The following DEUP1 variants were observed in gnomAD, a reference collection of about 807,000 sequenced individuals.
DEUP1 encodes deuterosome assembly protein 1.
A neutral mutation model predicts 87.4 loss-of-function variants in DEUP1; 82 were observed. That is an observed-to-expected ratio of 0.94 (90% CI 0.78 to 1.13). The LOEUF is 1.13. Among genes scored for constraint, DEUP1 ranks in the 50% most tolerant of loss-of-function variants. DEUP1 has a pLI of 0.00. For synonymous variants in DEUP1, 214 were observed against 222.7 expected (o/e 0.96, Z 0.35); for missense variants, 663 against 681.5 (o/e 0.97, Z 0.30).
At chr11:93,402,248 G>GA (rs557065135) in intron 11 of DEUP1, among the ~76,000 whole-genome samples, 2 of 151,694 alleles carry the variant, frequency 1.3e-5, no homozygotes, top group African/African-American at 2.4e-5. Flanking sequence ...ACAGGTATAT[G>GA]AAAAAAAATT....
chr11:93,420,004 C>A (rs1426018740), intron 13 of DEUP1, among the ~76,000 whole-genome samples: 2 of 151,974 alleles, frequency 1.3e-5, no homozygotes, highest in African/African-American at 4.8e-5. Context: ...AGCTGGTACC[C>A]TTCCTTCTGA....
chr11:93,427,736 G>T (rs1334480123), intron 13 of DEUP1, among the ~76,000 whole-genome samples: 1 of 149,140 alleles, frequency 6.7e-6, no homozygotes, highest in Non-Finnish European at 1.5e-5. Flanking sequence ...TCTGACAAAG[G>T]GCTAATATCC....
chr11:93,349,543 T>C (rs537932265), intron 2 of DEUP1, among the ~76,000 whole-genome samples: 68 of 151,664 alleles, frequency 4.5e-4, no homozygotes, highest in African/African-American at 1.4e-3. Flanking sequence ...CCTGTGGTAT[T>C]ATCTTAAAGT....
chr11:93,378,825 G>T (rs1412569842), intron 7 of DEUP1, among the ~76,000 whole-genome samples: 2 of 152,064 alleles, frequency 1.3e-5, no homozygotes, highest in Non-Finnish European at 2.9e-5. Context: ...GGCCCTCCTG[G>T]CATGTTCCTA....
At chr11:93,437,387 T>C in intron 13 of DEUP1, 156 bp from the exon 14 acceptor site, 1 of 574,650 alleles carries the variant, frequency 1.7e-6, no homozygotes, top group South Asian at 2.6e-5. Context: ...TAGTGGTAAC[T>C]GAATTACACT....
At chr11:93,353,982 G>A (rs563727246) in intron 2 of DEUP1, among the ~76,000 whole-genome samples, 1 of 152,310 alleles carries the variant, frequency 6.6e-6, no homozygotes, top group Non-Finnish European at 1.5e-5. Flanking sequence ...GCAAATTTCT[G>A]CAGCTGGTTT....
intron 8 of DEUP1, among the ~76,000 whole-genome samples, chr11:93,388,535 G>A (rs1174835391): frequency 6.6e-6 from 1 of 152,184 alleles, no homozygotes; most frequent in Admixed American, 6.5e-5. Flanking sequence ...AGCAGCCAAA[G>A]AATAGATGTA....
chr11:93,383,802 C>T (rs557238466), intron 7 of DEUP1, among the ~76,000 whole-genome samples: 1 of 152,142 alleles, frequency 6.6e-6, no homozygotes, highest in African/African-American at 2.4e-5. Context: ...TTTACCAATA[C>T]ACTAGAGGTC....
chr11:93,383,418 T>C lies in DEUP1; in HGVS notation c.790-1980T>C, dbSNP rs1006077879. ...TGTATGAAACATCTAGAATAGGCAA[T>C]TCCATAGAGATAGAACATAGATTAG... On this transcript the variant is annotated intron_variant, in intron 7 of 13. Transcript: ENST00000298050. 3 of 449,602 alleles carry C rather than the reference T, an allele frequency of 6.7e-6. No individual in the cohort carries two copies. The East Asian group carries it at 1.0e-4, about 15-fold the overall frequency. The allele number at this position is 449,602 out of a possible 1,614,324, so 27.9% of individuals were successfully genotyped here. A position where few individuals can be genotyped will look rare whatever the true frequency, so the allele number is the denominator to read the frequency against.
intron 13 of DEUP1, among the ~76,000 whole-genome samples, chr11:93,428,882 C>T (rs542066606): frequency 6.6e-6 from 1 of 152,242 alleles, no homozygotes; most frequent in African/African-American, 2.4e-5. Flanking sequence ...TACTGTCTAA[C>T]ACATGGTAAT....
intron 13 of DEUP1, among the ~76,000 whole-genome samples, chr11:93,420,697 T>C (rs1214001273): frequency 6.9e-6 from 1 of 144,138 alleles, no homozygotes; most frequent in African/African-American, 2.6e-5. Flanking sequence ...CTTAAGTTGA[T>C]AAGCAACTTC....
chr11:93,392,395 C>T (rs970491290), intron 9 of DEUP1, among the ~76,000 whole-genome samples: 6 of 152,148 alleles, frequency 3.9e-5, no homozygotes, highest in Non-Finnish European at 5.9e-5. Context: ...ATTTTCTAAT[C>T]TGCTAAATAC....
At chr11:93,347,796 G>C (rs1376223676) in intron 2 of DEUP1, among the ~76,000 whole-genome samples, 1 of 152,096 alleles carries the variant, frequency 6.6e-6, no homozygotes, top group Non-Finnish European at 1.5e-5. Flanking sequence ...CTGGAGTGAA[G>C]TGGCGTGATC....
At chr11:93,416,958 A>G (rs74868464) in intron 13 of DEUP1, among the ~76,000 whole-genome samples, 4 of 152,204 alleles carry the variant, frequency 2.6e-5, no homozygotes, top group Non-Finnish European at 5.9e-5. Flanking sequence ...ATTCAGAAAA[A>G]GCATTTGACA....
In DEUP1 at chr11:93,387,825, C is replaced by T. The variant is rs866048169; in HGVS notation, c.936-1195C>T. Among the ~76,000 whole-genome samples, 10 of 151,932 alleles carry T rather than the reference C, an allele frequency of 6.6e-5. No individual in the cohort carries two copies. The South Asian group carries it at 8.3e-4, about 13-fold the overall frequency. On this transcript the variant is annotated intron_variant, in intron 8 of 13. Coordinates refer to ENST00000298050, the MANE Select transcript of DEUP1 (RefSeq NM_181645.4). ...AATATTGGATAAAATGGAAAATGCT[C>T]ACAATATATTACTAAGTAGGAAACA... is the stretch of plus-strand genomic sequence containing the variant.
intron 13 of DEUP1, among the ~76,000 whole-genome samples, chr11:93,419,530 C>G (rs1947791873): frequency 6.6e-6 from 1 of 152,064 alleles, no homozygotes; most frequent in African/African-American, 2.4e-5. Context: ...TGAAATGGGT[C>G]AAACCACCTA....
intron 2 of DEUP1, among the ~76,000 whole-genome samples, chr11:93,346,466 A>G (rs1246987437): frequency 6.6e-6 from 1 of 152,202 alleles, no homozygotes; most frequent in African/African-American, 2.4e-5. Context: ...AACTCAAGTG[A>G]TCTGCCCACC....
Position 93,417,534 on chromosome 11 carries a change from T to G in DEUP1, c.1638+2420T>G, listed in dbSNP as rs545970908. Among the ~76,000 whole-genome samples the G allele has an allele frequency of 1.9e-4, 29 of 152,198 alleles. No individual in the cohort carries two copies. In the East Asian group the frequency reaches 4.4e-3, roughly 23 times the overall value. On this transcript the variant is annotated intron_variant, in intron 13 of 13. Coordinates refer to ENST00000298050, the MANE Select transcript of DEUP1 (RefSeq NM_181645.4). ...CACTGCTCAATGAAATAAAAGAGGA[T>G]ACAAACAAATGGAAGAACATTCCAT... is the stretch of plus-strand genomic sequence containing the variant.
chr11:93,437,998 A>G lies in DEUP1; in HGVS notation c.*279A>G. ...TTTTCCAGTCTAAGGAATATTTTGG[A>G]ATCAAATATGCAGTTTTTTTTCCCC... On this transcript the variant is annotated 3_prime_UTR_variant, in exon 14 of 14. Coordinates refer to ENST00000298050, the MANE Select transcript of DEUP1 (RefSeq NM_181645.4). 1 of 245,642 alleles carries G rather than the reference A, an allele frequency of 4.1e-6. No homozygotes were observed. The highest frequency in any genetic ancestry group is 6.0e-5 in the South Asian group (1 of 16,534). 15.2% of individuals were successfully genotyped at this position (245,642 alleles called of 1,614,324 possible).
Sources: gnomAD v4.1 joint callset for allele counts (sites outside exome capture counted in the v4.1 genomes callset) on GRCh38, gnomAD v4.1.1 for gene constraint, MANE v1.5 for transcripts, NCBI Gene and HGNC (gene_info 2026-07-23, HGNC 2026-07-21) for gene names.